Variants in MAP3K5 observed in about 807,000 individuals in gnomAD.
The protein encoded by MAP3K5 is mitogen-activated protein kinase kinase kinase 5.
A neutral mutation model predicts 158.7 loss-of-function variants in MAP3K5; 56 were observed. That is an observed-to-expected ratio of 0.35 (90% CI 0.28 to 0.44). The LOEUF is 0.44. Among genes scored for constraint, MAP3K5 ranks in the 20% least tolerant of loss-of-function variants. MAP3K5 has a pLI of 1.00. For synonymous variants in MAP3K5, 579 were observed against 601.7 expected (o/e 0.96, Z 0.55); for missense variants, 1,294 against 1,674.8 (o/e 0.77, Z 3.97).
chr6:136,607,350 T>C (rs190745047), intron 18 of MAP3K5, among the ~76,000 whole-genome samples: 18 of 152,346 alleles, frequency 1.2e-4, no homozygotes, highest in Admixed American at 9.8e-4. Context: ...CAACAAATTA[T>C]GCAATATTTG....
At chr6:136,772,012 G>A (rs1784220046) in intron 1 of MAP3K5, among the ~76,000 whole-genome samples, 1 of 149,974 alleles carries the variant, frequency 6.7e-6, no homozygotes. Context: ...AGGTTCAAGC[G>A]ATTCTCCTGC....
intron 1 of MAP3K5, among the ~76,000 whole-genome samples, chr6:136,731,076 G>A (rs537402628): frequency 5.3e-5 from 8 of 152,308 alleles, no homozygotes; most frequent in East Asian, 1.9e-4. Context: ...ACTAGGCACC[G>A]TGTGATTCTG....
At chr6:136,702,389 C>A (rs1780891895) in intron 3 of MAP3K5, among the ~76,000 whole-genome samples, 1 of 152,098 alleles carries the variant, frequency 6.6e-6, no homozygotes, top group Non-Finnish European at 1.5e-5. Context: ...CATTTATTTC[C>A]CAAGTTGGCT....
Position 136,689,518 on chromosome 6 carries a change from G to A in MAP3K5, c.1253+4622C>T, listed in dbSNP as rs1780297054. 2.0e-5 allele frequency among the ~76,000 whole-genome samples: 3 copies of A among 152,134 alleles called. No individual in the cohort carries two copies. The South Asian group carries it at 6.2e-4, about 31-fold the overall frequency. On this transcript the variant is annotated intron_variant, in intron 7 of 29. Transcript: ENST00000359015. Reference sequence around the variant, plus strand: ...TTCTCCCCAAAAGCATGTATTGGAAGCTTAATCCCCAATGCAATAGTGTTA... The same window carrying A: ...TTCTCCCCAAAAGCATGTATTGGAAACTTAATCCCCAATGCAATAGTGTTA...
At chr6:136,614,310 GA>G in intron 15 of MAP3K5, 24 bp from the exon 16 acceptor site, 1 of 1,607,314 alleles carries the variant, frequency 6.2e-7, no homozygotes, top group Non-Finnish European at 8.5e-7. Context: ...AATTGTCAAT[GA>G]GTTAATTATG....
chr6:136,594,740 G>A (rs928458508), intron 21 of MAP3K5, among the ~76,000 whole-genome samples: 1 of 152,136 alleles, frequency 6.6e-6, no homozygotes, highest in Non-Finnish European at 1.5e-5. Context: ...GGAGTAAAGA[G>A]ACTAGTACAG....
chr6:136,716,669 C>T (rs1562640395), intron 2 of MAP3K5, among the ~76,000 whole-genome samples: 1 of 152,048 alleles, frequency 6.6e-6, no homozygotes, highest in Non-Finnish European at 1.5e-5. Flanking sequence ...CTGAGAGACC[C>T]CAAGTGGAAG....
intron 2 of MAP3K5, among the ~76,000 whole-genome samples, chr6:136,712,737 G>A (rs1368534649): frequency 6.6e-6 from 1 of 152,170 alleles, no homozygotes; most frequent in African/African-American, 2.4e-5. Flanking sequence ...CATGTTGTGG[G>A]AGGGACCTGG....
At chr6:136,774,593 T>A (rs1215861838) in intron 1 of MAP3K5, among the ~76,000 whole-genome samples, 1 of 152,204 alleles carries the variant, frequency 6.6e-6, no homozygotes, top group Non-Finnish European at 1.5e-5. Flanking sequence ...CATCATTAAG[T>A]GTCATCTACA....
chr6:136,767,432 G>T (rs1419975699), intron 1 of MAP3K5, among the ~76,000 whole-genome samples: 1 of 151,626 alleles, frequency 6.6e-6, no homozygotes, highest in African/African-American at 2.4e-5. Context: ...GGCAGGGAGG[G>T]AAAACCACCC....
intron 7 of MAP3K5, among the ~76,000 whole-genome samples, chr6:136,693,334 A>G (rs1462300843): frequency 6.6e-6 from 1 of 152,200 alleles, no homozygotes; most frequent in Non-Finnish European, 1.5e-5. Flanking sequence ...AGTCTTGTTA[A>G]CTGGTGGAGC....
At chr6:136,744,807 T>C (rs1782862749) in intron 1 of MAP3K5, among the ~76,000 whole-genome samples, 1 of 152,136 alleles carries the variant, frequency 6.6e-6, no homozygotes, top group Non-Finnish European at 1.5e-5. Context: ...AGCCCAGAGA[T>C]CCTAATTTAC....
rs1486238218 is a variant in MAP3K5, at chr6:136,791,847, T to C, written c.311A>G (p.Gln104Arg). 1 of 1,613,882 alleles carries C rather than the reference T, an allele frequency of 6.2e-7. No individual in the cohort carries two copies. Among genetic ancestry groups the C allele is most frequent in the Non-Finnish European group, 8.5e-7 (1 of 1,180,012 alleles). ...GGCCTCGCTCTCGGCCACCACCAGT[T>C]GCCCTTGGCTCGCTTCGTTGATCAC... Reference protein sequence around the residue: ...AYVINEASQGQLVVAESEALQ... With the variant: ...AYVINEASQGRLVVAESEALQ... The change falls in exon 1 of 30, where the codon CAA (glutamine) becomes CGA (arginine). Residue 104 changes from glutamine (Q) to arginine (R), a missense_variant. Transcript: ENST00000359015.
At chr6:136,599,753 A>G (rs971457103) in intron 21 of MAP3K5, among the ~76,000 whole-genome samples, 2 of 152,162 alleles carry the variant, frequency 1.3e-5, no homozygotes, top group African/African-American at 4.8e-5. Flanking sequence ...CATGTCCCAT[A>G]TTTAGAAAGT....
At chr6:136,618,452 T>C (rs79811852) in intron 15 of MAP3K5, among the ~76,000 whole-genome samples, 1,841 of 152,326 alleles carry the variant, frequency 0.012, 37 homozygotes, top group African/African-American at 0.043. Flanking sequence ...CTTGTTGGTG[T>C]TGGTGTGCTT....
At chr6:136,758,973 G>A (rs1427919752) in intron 1 of MAP3K5, among the ~76,000 whole-genome samples, 1 of 152,128 alleles carries the variant, frequency 6.6e-6, no homozygotes, top group African/African-American at 2.4e-5. Context: ...AGAAGTTTGC[G>A]ACCAGCCTGG....
At chr6:136,674,722 TGTAAATACAAGTTGA>T (rs1779632742) in intron 7 of MAP3K5, among the ~76,000 whole-genome samples, 2 of 152,092 alleles carry the variant, frequency 1.3e-5, no homozygotes, top group South Asian at 4.1e-4. Context: ...AAAGGCACAC[TGTAAATACAAGTTGA>T]GTAACCCTAA....
chr6:136,566,120 G>A (rs75273972), intron 26 of MAP3K5, among the ~76,000 whole-genome samples: 3,154 of 151,252 alleles, frequency 0.021, 56 homozygotes, highest in East Asian at 0.073. Flanking sequence ...GATGGCCCAA[G>A]CATGGTAGAC....
chr6:136,631,357 T>G (rs1318297487), intron 14 of MAP3K5, among the ~76,000 whole-genome samples: 2 of 152,168 alleles, frequency 1.3e-5, no homozygotes, highest in African/African-American at 4.8e-5. Flanking sequence ...AATAGGATGT[T>G]AAAAAAGAGT....
Sources: gnomAD v4.1 joint callset for allele counts (sites outside exome capture counted in the v4.1 genomes callset) on GRCh38, gnomAD v4.1.1 for gene constraint, MANE v1.5 for transcripts, NCBI Gene and HGNC (gene_info 2026-07-23, HGNC 2026-07-21) for gene names.